Variants in C1orf21 observed in about 807,000 individuals in gnomAD.
The protein encoded by C1orf21 is uncharacterized protein C1orf21.
In C1orf21, 3 loss-of-function variants were observed where a neutral mutation model predicts 18.7. The ratio of observed to expected loss-of-function variants is 0.16; its 90% CI spans 0.07 to 0.42. The LOEUF (loss-of-function observed/expected upper bound fraction) is 0.42. C1orf21 is among the 10% of genes least tolerant of loss of function. The pLI is 0.99. For missense variants in C1orf21, 104 were observed against 143.6 expected (o/e 0.72, Z 1.41); for synonymous variants, 41 against 46.4 (o/e 0.88, Z 0.47).
intron 1 of C1orf21, among the ~76,000 whole-genome samples, chr1:184,390,512 T>C (rs970802435): frequency 4.6e-5 from 7 of 152,200 alleles, no homozygotes; most frequent in Admixed American, 2.0e-4. Flanking sequence ...AATCTACTTA[T>C]ACATCTAGTC....
intron 3 of C1orf21, among the ~76,000 whole-genome samples, chr1:184,559,612 T>TTCCTTCCTTCCTTCCTCTCTCTTTCTTC (rs1558002760): frequency 9.9e-4 from 137 of 138,128 alleles, no homozygotes; most frequent in East Asian, 2.0e-3. Flanking sequence ...CCTTCCTTCC[T>TTCCTTCCTTCCTTCCTCTCTCTTTCTTC]CCCTCCCTCC....
At chr1:184,598,545 C>G in intron 5 of C1orf21, 84 bp downstream of exon 5, 1 of 1,288,814 alleles carries the variant, frequency 7.8e-7, no homozygotes, top group Non-Finnish European at 1.1e-6. Context: ...ATTCTTGTTT[C>G]TATGTCATAA....
intron 3 of C1orf21, among the ~76,000 whole-genome samples, chr1:184,583,020 G>A (rs1337769145): frequency 6.6e-6 from 1 of 152,078 alleles, no homozygotes; most frequent in Non-Finnish European, 1.5e-5. Flanking sequence ...TGTATTTTTA[G>A]TAGAGGAGGG....
rs1658773554 is a variant in C1orf21, at chr1:184,549,094, T to C, written c.189+41412T>C. ...AAGAGGTATATAGGTTTTACCAGAC[T>C]GTCAGAGGAGTACATGGCACAAAAA... On this transcript the variant is annotated intron_variant, in intron 3 of 5. Transcript: ENST00000235307. 2.0e-5 allele frequency among the ~76,000 whole-genome samples: 3 copies of C among 152,178 alleles called. No homozygotes were observed. In the South Asian group the frequency reaches 6.2e-4, roughly 32 times the overall value.
intron 3 of C1orf21, among the ~76,000 whole-genome samples, chr1:184,574,161 C>G (rs1186499127): frequency 6.6e-6 from 1 of 152,060 alleles, no homozygotes; most frequent in Non-Finnish European, 1.5e-5. Context: ...GCTGAGATCA[C>G]GCCACTGCAC....
chr1:184,407,172 A>G (rs1884203), intron 1 of C1orf21, among the ~76,000 whole-genome samples: 43,940 of 151,898 alleles, frequency 0.29, 9,614 homozygotes, highest in African/African-American at 0.62. Context: ...ACAGGGTCTC[A>G]CTATGTTGCC....
rs570970125 is a variant in C1orf21, at chr1:184,414,720, A to G, written c.-125+27352A>G. Among the ~76,000 whole-genome samples the G allele has an allele frequency of 2.6e-5, 4 of 152,058 alleles. No individual in the cohort carries two copies. The South Asian group carries it at 8.3e-4, about 32-fold the overall frequency. On this transcript the variant is annotated intron_variant, in intron 1 of 5. Transcript: ENST00000235307. ...TATTTTTATTTTCTTACATAGCTTT[A>G]TTTAAAATCCTAGATTGACTTGTTT...
In C1orf21 at chr1:184,590,914, A is replaced by T. The variant is rs941282368; in HGVS notation, c.266+99A>T. 3.4e-6 allele frequency: 4 copies of T among 1,175,656 alleles called. No individual in the cohort carries two copies. The South Asian group carries it at 4.1e-5, about 12-fold the overall frequency. The allele number at this position is 1,175,656 out of a possible 1,614,324, so 72.8% of individuals were successfully genotyped here. A position where few individuals can be genotyped will look rare whatever the true frequency, so the allele number is the denominator to read the frequency against. On this transcript the variant is annotated intron_variant, in intron 4 of 5. Transcript: ENST00000235307. ...TACCCATGGATCAAAAATATTCAAA[A>T]AATAATAATTCTACAAAGTTCCAAA...
intron 3 of C1orf21, among the ~76,000 whole-genome samples, chr1:184,519,585 C>G (rs1557992515): frequency 6.6e-6 from 1 of 152,176 alleles, no homozygotes; most frequent in Admixed American, 6.5e-5. Flanking sequence ...GGCTGGGCCA[C>G]TGTTACTAGA....
chr1:184,498,222 C>T (rs1252436718), intron 2 of C1orf21, among the ~76,000 whole-genome samples: 2 of 152,176 alleles, frequency 1.3e-5, no homozygotes, highest in Non-Finnish European at 2.9e-5. Flanking sequence ...CTGAGATGCT[C>T]AAAGGCTAAT....
intron 3 of C1orf21, 45 bp from the exon 4 acceptor site, chr1:184,590,694 G>A (rs1437314611): frequency 1.6e-5 from 24 of 1,538,302 alleles, no homozygotes; most frequent in Non-Finnish European, 1.9e-5. Flanking sequence ...GTTTAATTGT[G>A]GATTCTAATC....
intron 4 of C1orf21, among the ~76,000 whole-genome samples, chr1:184,593,071 C>A (rs773436450): frequency 3.9e-5 from 6 of 152,190 alleles, no homozygotes; most frequent in Non-Finnish European, 8.8e-5. Context: ...ACCTTATCAT[C>A]CAGGATGTCT....
chr1:184,578,131 T>TAAA (rs1659221975), intron 3 of C1orf21, among the ~76,000 whole-genome samples: 1 of 151,810 alleles, frequency 6.6e-6, no homozygotes, highest in South Asian at 2.1e-4. Context: ...TAATTTTTTT[T>TAAA]ATTTTTAGTA....
chr1:184,471,707 G>A (rs1657499152), intron 1 of C1orf21, among the ~76,000 whole-genome samples: 1 of 152,148 alleles, frequency 6.6e-6, no homozygotes, highest in Admixed American at 6.5e-5. Flanking sequence ...AACACTTATT[G>A]TGGTTACATT....
At position 184,445,343 on chromosome 1, in the gene C1orf21, C is replaced by CCTCTCTCTCTCTCTCTCTCT. The variant is rs57710614; in HGVS notation, c.-124-32031_-124-32012dup. ...TGTAAAACCACGCCCTTTTTTCAGACCTCTCTCTCTCTCTCTCTCTCTCTC... is the reference window on the plus strand; with the variant it reads ...TGTAAAACCACGCCCTTTTTTCAGACCTCTCTCTCTCTCTCTCTCTCTCTCTCTCTCTCTCTCTCTCTCTC... On this transcript the variant is annotated intron_variant, in intron 1 of 5. Transcript: ENST00000235307. Among the ~76,000 whole-genome samples the CCTCTCTCTCTCTCTCTCTCT allele has an allele frequency of 3.1e-4, 42 of 134,886 alleles. 1 individual carries two copies. Among genetic ancestry groups the CCTCTCTCTCTCTCTCTCTCT allele is most frequent in the African/African-American group, 1.0e-3 (35 of 34,850 alleles). 88.5% of individuals were successfully genotyped at this position (134,886 alleles called of 152,430 possible).
intron 3 of C1orf21, among the ~76,000 whole-genome samples, chr1:184,518,394 A>G (rs1048107804): frequency 6.6e-6 from 1 of 152,202 alleles, no homozygotes; most frequent in Non-Finnish European, 1.5e-5. Context: ...ATTTCTGTTC[A>G]TTGCTATTTT....
At chr1:184,450,723 C>T (rs1462102792) in intron 1 of C1orf21, among the ~76,000 whole-genome samples, 2 of 152,240 alleles carry the variant, frequency 1.3e-5, no homozygotes, top group African/African-American at 4.8e-5. Flanking sequence ...ATTTATGTGG[C>T]TGAAAGGCTT....
intron 3 of C1orf21, among the ~76,000 whole-genome samples, chr1:184,588,419 A>G (rs1423844226): frequency 6.6e-6 from 1 of 152,184 alleles, no homozygotes; most frequent in Admixed American, 6.5e-5. Flanking sequence ...TTTGGAGATT[A>G]TAGGTAAAAG....
At chr1:184,454,851 GTTTC>G in intron 1 of C1orf21, among the ~76,000 whole-genome samples, 1 of 152,056 alleles carries the variant, frequency 6.6e-6, no homozygotes, top group East Asian at 1.9e-4. Context: ...AGTCTCAGGT[GTTTC>G]TTTATAGCAG....
Sources: gnomAD v4.1 joint callset for allele counts (sites outside exome capture counted in the v4.1 genomes callset) on GRCh38, gnomAD v4.1.1 for gene constraint, MANE v1.5 for transcripts, NCBI Gene and HGNC (gene_info 2026-07-23, HGNC 2026-07-21) for gene names.